Variants in TRPC7 observed in about 807,000 individuals in gnomAD.
TRPC7 encodes the protein short transient receptor potential channel 7.
TRPC7 carries 42 observed loss-of-function variants against 90.1 expected under a neutral mutation model. The observed-to-expected ratio is 0.47, with a 90% CI of 0.36 to 0.60. The LOEUF (loss-of-function observed/expected upper bound fraction) is 0.60, where lower values mean the gene tolerates loss of function less well. Among genes scored for constraint, TRPC7 ranks in the 20% least tolerant of loss-of-function variants. The pLI is 0.00. For missense variants in TRPC7, 955 were observed against 1,112.3 expected, an observed-to-expected ratio of 0.86 and a Z score of 2.01; for synonymous variants, 451 against 436.3, an observed-to-expected ratio of 1.03 and a Z score of -0.42.
Position 136,213,599 on chromosome 5 carries a change from G to A in TRPC7, c.2425C>T (p.Leu809=). 1 of 1,613,894 alleles carries A rather than the reference G, an allele frequency of 6.2e-7. No homozygotes were observed. Residue 809 remains leucine, a synonymous_variant, in exon 12 of 12, where the codon CTG becomes TTG. Coordinates refer to ENST00000513104, the MANE Select transcript of TRPC7 (RefSeq NM_020389.3). ...GAGATATCTTGCTTGATTTCCTTCA[G>A]CTCGCCTGCAAGGACAGAGGAGATT... ...RENDEVNEGE[L]KEIKQDISSL... is the part of the protein sequence containing the mutation.
intron 6 of TRPC7, among the ~76,000 whole-genome samples, chr5:136,251,447 T>G (rs983286455): frequency 6.6e-6 from 1 of 152,208 alleles, no homozygotes; most frequent in African/African-American, 2.4e-5. Flanking sequence ...TCTATTCTGC[T>G]GGCTACACTT....
chr5:136,244,972 C>CT (rs1756290161), intron 7 of TRPC7, among the ~76,000 whole-genome samples: 1 of 152,206 alleles, frequency 6.6e-6, no homozygotes. Context: ...TCACCATCTC[C>CT]ATTATCATCA....
chr5:136,230,163 G>A (rs1042193027), intron 8 of TRPC7, among the ~76,000 whole-genome samples: 5 of 152,120 alleles, frequency 3.3e-5, no homozygotes, highest in African/African-American at 1.2e-4. Flanking sequence ...GAACATCTAC[G>A]TAAAATGATA....
At chr5:136,324,955 G>T (rs1199233013) in intron 2 of TRPC7, among the ~76,000 whole-genome samples, 1 of 152,148 alleles carries the variant, frequency 6.6e-6, no homozygotes, top group Non-Finnish European at 1.5e-5. Flanking sequence ...CTGCAGTTAT[G>T]GGGAAAGAAT....
At chr5:136,351,530 G>T (rs906127185) in intron 2 of TRPC7, among the ~76,000 whole-genome samples, 2 of 152,222 alleles carry the variant, frequency 1.3e-5, no homozygotes, top group Admixed American at 6.5e-5. Context: ...TGGGGCAATA[G>T]GCTTATTCAG....
At chr5:136,260,352 C>CAGTAGGGGTGGG (rs1756817112) in intron 5 of TRPC7, among the ~76,000 whole-genome samples, 1 of 152,114 alleles carries the variant, frequency 6.6e-6, no homozygotes, top group African/African-American at 2.4e-5. Context: ...ACTAGGAGGA[C>CAGTAGGGGTGGG]AGTAGGGGTG....
chr5:136,225,542 G>A (rs1309697194), intron 9 of TRPC7, among the ~76,000 whole-genome samples, 188 bp from the exon 10 acceptor site: 3 of 151,956 alleles, frequency 2.0e-5, no homozygotes, highest in Non-Finnish European at 4.4e-5. Context: ...TCTGTAGGAT[G>A]TTAATAAGGG....
intron 2 of TRPC7, among the ~76,000 whole-genome samples, chr5:136,333,593 G>A (rs574879496): frequency 3.9e-5 from 6 of 152,222 alleles, no homozygotes; most frequent in Non-Finnish European, 8.8e-5. Flanking sequence ...GACAGCTTCA[G>A]TGTTTCAGAT....
chr5:136,338,915 A>G (rs77310820), intron 2 of TRPC7, among the ~76,000 whole-genome samples: 4 of 152,228 alleles, frequency 2.6e-5, no homozygotes, highest in Admixed American at 1.3e-4. Flanking sequence ...TTGAAAAAAA[A>G]CCACAAAGAT....
At chr5:136,354,877 G>A (rs1425446633) in intron 2 of TRPC7, among the ~76,000 whole-genome samples, 1 of 152,130 alleles carries the variant, frequency 6.6e-6, no homozygotes, top group South Asian at 2.1e-4. Context: ...TCCTCCAAAT[G>A]CCTACTCTCT....
At chr5:136,302,161 C>T (rs928301233) in intron 3 of TRPC7, among the ~76,000 whole-genome samples, 5 of 152,238 alleles carry the variant, frequency 3.3e-5, no homozygotes, top group Non-Finnish European at 7.3e-5. Flanking sequence ...GCACCAGTCA[C>T]GGACTGGGAA....
chr5:136,213,971 C>T (rs1755173245), intron 11 of TRPC7: 3 of 211,330 alleles, frequency 1.4e-5, no homozygotes, highest in African/African-American at 2.3e-5. Flanking sequence ...TGGAAAACAA[C>T]CCCATTAACC....
intron 3 of TRPC7, among the ~76,000 whole-genome samples, chr5:136,313,377 G>GTCTA (rs79202938): frequency 0.015 from 1,813 of 120,648 alleles, 13 homozygotes; most frequent in Non-Finnish European, 0.022. Context: ...GGAGATGTCT[G>GTCTA]TCTATCTATC....
chr5:136,342,875 G>T (rs1483634345), intron 2 of TRPC7, among the ~76,000 whole-genome samples: 3 of 152,172 alleles, frequency 2.0e-5, no homozygotes, highest in African/African-American at 7.2e-5. Flanking sequence ...AAAGTCCTAT[G>T]ATGAAACTGT....
chr5:136,248,815 G>A (rs1756429560), intron 6 of TRPC7, among the ~76,000 whole-genome samples: 1 of 152,230 alleles, frequency 6.6e-6, no homozygotes, highest in Admixed American at 6.5e-5. Flanking sequence ...TCACGAATCA[G>A]CTGTCTATTA....
intron 3 of TRPC7, among the ~76,000 whole-genome samples, chr5:136,284,140 G>A (rs1049140976): frequency 1.3e-5 from 2 of 152,176 alleles, no homozygotes; most frequent in Admixed American, 1.3e-4. Flanking sequence ...TCTGGTAAAA[G>A]GCATGTTTTG....
rs766151957 is a variant in TRPC7, at chr5:136,356,973, G to T, written c.415C>A (p.Leu139Ile). 5.0e-6 allele frequency: 8 copies of T among 1,612,310 alleles called. No homozygotes were observed. The Admixed American group carries it at 1.3e-4, about 27-fold the overall frequency. The part of the protein sequence containing the change: ...PAFAQGQRLT[L>I]SPLEQELRDD... Reference sequence around the variant, plus strand: ...CGCAGCTCCTGTTCCAGCGGGCTGAGCGTCAGGCGCTGGCCCTGCGCGAAG... The same window carrying T: ...CGCAGCTCCTGTTCCAGCGGGCTGATCGTCAGGCGCTGGCCCTGCGCGAAG... The change falls in exon 2 of 12, where the codon CTC becomes ATC. Residue 139 changes from leucine (L) to isoleucine (I), a missense_variant. Coordinates refer to ENST00000513104, the MANE Select transcript of TRPC7 (RefSeq NM_020389.3).
chr5:136,312,972 C>CTTTTTTTT (rs34840823), intron 3 of TRPC7, among the ~76,000 whole-genome samples: 7 of 97,052 alleles, frequency 7.2e-5, no homozygotes, highest in African/African-American at 7.7e-5. Flanking sequence ...AGTAGTGATT[C>CTTTTTTTT]TTTTTTTTTT....
intron 3 of TRPC7, among the ~76,000 whole-genome samples, chr5:136,280,871 T>A (rs957337794): frequency 4.6e-5 from 7 of 152,266 alleles, no homozygotes; most frequent in African/African-American, 9.6e-5. Flanking sequence ...TTCTTTAAGG[T>A]GGGGTTGGTA....
Sources: allele counts gnomAD v4.1 joint callset (sites outside exome capture counted in the v4.1 genomes callset), GRCh38; gene constraint gnomAD v4.1.1; transcripts MANE v1.5; gene names NCBI Gene and HGNC (gene_info 2026-07-23, HGNC 2026-07-21).